The following NUDCD3 variants were observed in gnomAD, a reference collection of about 807,000 sequenced individuals.
The protein encoded by NUDCD3 is nudC domain-containing protein 3.
Under a neutral mutation model 39.7 loss-of-function variants are expected in NUDCD3, and 13 were observed. The observed-to-expected ratio is 0.33, with a 90% confidence interval of 0.21 to 0.52. NUDCD3 has a LOEUF of 0.52. NUDCD3 is among the 20% of genes least tolerant of loss of function. NUDCD3 has a pLI of 0.96. For missense variants in NUDCD3, 453 were observed against 458.1 expected, an observed-to-expected ratio of 0.99 and a Z score of 0.10; for synonymous variants, 175 against 172.4, an observed-to-expected ratio of 1.02 and a Z score of -0.12.
chr7:44,395,201 A>C (rs1243869497), intron 4 of NUDCD3, among the ~76,000 whole-genome samples: 1 of 152,246 alleles, frequency 6.6e-6, no homozygotes, highest in Non-Finnish European at 1.5e-5. Flanking sequence ...ATTAAAATAA[A>C]ATAATTCAGT....
At chr7:44,488,986 T>G (rs1376741089) in intron 1 of NUDCD3, among the ~76,000 whole-genome samples, 2 of 152,102 alleles carry the variant, frequency 1.3e-5, no homozygotes, top group South Asian at 4.1e-4. Flanking sequence ...TACTCCTTTC[T>G]CCTCCACATC....
intron 2 of NUDCD3, among the ~76,000 whole-genome samples, chr7:44,450,943 T>C (rs1050043561): frequency 2.0e-5 from 3 of 152,182 alleles, no homozygotes; most frequent in Admixed American, 2.0e-4. Flanking sequence ...AAGAAATTGA[T>C]TATTCATATA....
At chr7:44,397,523 C>A (rs996890646) in intron 4 of NUDCD3, among the ~76,000 whole-genome samples, 1 of 152,180 alleles carries the variant, frequency 6.6e-6, no homozygotes, top group East Asian at 1.9e-4. Flanking sequence ...TGTCTAGGGG[C>A]ATCTCATCAT....
intron 2 of NUDCD3, among the ~76,000 whole-genome samples, chr7:44,441,727 T>A (rs947375001): frequency 2.6e-5 from 4 of 152,188 alleles, no homozygotes; most frequent in Admixed American, 6.5e-5. Flanking sequence ...CTGTTGTAGG[T>A]CCCAGGACAC....
chr7:44,455,995 C>T (rs1291590990), intron 2 of NUDCD3, among the ~76,000 whole-genome samples: 1 of 106,010 alleles, frequency 9.4e-6, no homozygotes, highest in Non-Finnish European at 1.9e-5. Flanking sequence ...CACTGCACTC[C>T]AGCCTGGGCG....
At chr7:44,406,514 T>C (rs1798823436) in intron 3 of NUDCD3, among the ~76,000 whole-genome samples, 1 of 152,234 alleles carries the variant, frequency 6.6e-6, no homozygotes, top group African/African-American at 2.4e-5. Flanking sequence ...CTCCTCAGCC[T>C]GCCTTCACAA....
chr7:44,426,452 A>G (rs1433997514), intron 3 of NUDCD3, among the ~76,000 whole-genome samples: 1 of 152,170 alleles, frequency 6.6e-6, no homozygotes, highest in Admixed American at 6.5e-5. Flanking sequence ...GGGATCAGGA[A>G]GCTTATCCTC....
intron 5 of NUDCD3, among the ~76,000 whole-genome samples, chr7:44,388,207 A>T (rs866413268): frequency 6.6e-6 from 1 of 152,228 alleles, no homozygotes; most frequent in South Asian, 2.1e-4. Flanking sequence ...CACACCATAA[A>T]TGGGCATCAA....
chr7:44,389,527 A>C (rs1249429329), intron 5 of NUDCD3, among the ~76,000 whole-genome samples: 1 of 152,238 alleles, frequency 6.6e-6, no homozygotes, highest in Non-Finnish European at 1.5e-5. Context: ...AAATACAAAA[A>C]TACAAAATAA....
chr7:44,469,485 T>C (rs1280397158), intron 2 of NUDCD3, among the ~76,000 whole-genome samples: 2 of 152,218 alleles, frequency 1.3e-5, no homozygotes, highest in African/African-American at 4.8e-5. Flanking sequence ...ACAGTAATAA[T>C]TGTTTCAGGC....
At chr7:44,413,481 A>G (rs557899832) in intron 3 of NUDCD3, among the ~76,000 whole-genome samples, 17 of 152,366 alleles carry the variant, frequency 1.1e-4, no homozygotes, top group Non-Finnish European at 2.2e-4. Flanking sequence ...GAAATCAGTA[A>G]GAAAAAGTAC....
intron 2 of NUDCD3, among the ~76,000 whole-genome samples, chr7:44,477,330 C>T (rs1386611728): frequency 6.6e-6 from 1 of 152,328 alleles, no homozygotes; most frequent in African/African-American, 2.4e-5. Context: ...AGTCCAAGCA[C>T]AAAGGACAAA....
chr7:44,413,395 A>G (rs1798966379), intron 3 of NUDCD3: 1 of 152,218 alleles, frequency 6.6e-6, no homozygotes, highest in East Asian at 1.9e-4. Flanking sequence ...AAAGGTTAAT[A>G]ACAAAATGGG....
chr7:44,480,962 A>T (rs1800477803), intron 2 of NUDCD3, among the ~76,000 whole-genome samples: 1 of 151,168 alleles, frequency 6.6e-6, no homozygotes, highest in Non-Finnish European at 1.5e-5. Context: ...AAAAAAAAAA[A>T]AAAAATCCAA....
chr7:44,440,877 G>T (rs1260609219), intron 2 of NUDCD3, among the ~76,000 whole-genome samples: 1 of 152,164 alleles, frequency 6.6e-6, no homozygotes, highest in Non-Finnish European at 1.5e-5. Context: ...CCAACATGAG[G>T]CTATTAGTAA....
At chr7:44,389,198 G>A (rs1171073250) in intron 5 of NUDCD3, among the ~76,000 whole-genome samples, 2 of 152,252 alleles carry the variant, frequency 1.3e-5, no homozygotes, top group Non-Finnish European at 2.9e-5. Context: ...TATGTGCATG[G>A]TGCATACATA....
chr7:44,448,011 T>A (rs189151208), intron 2 of NUDCD3, among the ~76,000 whole-genome samples: 3 of 152,242 alleles, frequency 2.0e-5, no homozygotes, highest in Non-Finnish European at 4.4e-5. Context: ...TCACCCCAGT[T>A]CTTCAGGCTG....
At chr7:44,404,605 A>G (rs763895485) in intron 3 of NUDCD3, 22 bp from the exon 4 acceptor site, 4 of 1,611,470 alleles carry the variant, frequency 2.5e-6, no homozygotes, top group East Asian at 2.2e-5. Context: ...GCAGAAGAAA[A>G]TCATCTCTCC....
rs1286710003 is a variant in NUDCD3 at position 44,485,245 on chromosome 7, C to T, written c.232G>A (p.Glu78Lys). 3 of 1,613,868 alleles carry T rather than the reference C, an allele frequency of 1.9e-6. No individual in the cohort carries two copies. Among genetic ancestry groups the T allele is most frequent in the Non-Finnish European group, 2.5e-6 (3 of 1,179,814 alleles). The part of the protein sequence containing the change: ...TFDHMARQDD[E>K]KRRQELEEKI... ...TCTTCAAGTTCCTGCCTTCTCTTCT[C>T]ATCATCCTGACGGGCCATGTGGTCA... Residue 78 changes from glutamate to lysine, a missense_variant, in exon 2 of 6, where the codon GAG becomes AAG. By Grantham distance (56) the Glu-to-Lys change is moderately conservative (BLOSUM62 1). Transcript: ENST00000355451.
Sources: gnomAD v4.1 joint callset for allele counts (sites outside exome capture counted in the v4.1 genomes callset) on GRCh38, gnomAD v4.1.1 for gene constraint, MANE v1.5 for transcripts, NCBI Gene and HGNC (gene_info 2026-07-23, HGNC 2026-07-21) for gene names.